The following TSPAN18 variants were observed in gnomAD, a reference collection of about 807,000 sequenced individuals.
TSPAN18 encodes the protein tetraspanin-18.
Under a neutral mutation model 27.3 loss-of-function variants are expected in TSPAN18, and 14 were observed. The ratio of observed to expected loss-of-function variants is 0.51; its 90% CI spans 0.34 to 0.80. The LOEUF (loss-of-function observed/expected upper bound fraction) is 0.80. TSPAN18 is among the 30% of genes least tolerant of loss of function. TSPAN18 has a pLI of 0.01. For missense variants in TSPAN18, 268 were observed against 323.9 expected, an observed-to-expected ratio of 0.83 and a Z score of 1.32; for synonymous variants, 143 against 136.5, an observed-to-expected ratio of 1.05 and a Z score of -0.33.
chr11:44,751,982 G>A (rs751845312), intron 1 of TSPAN18, among the ~76,000 whole-genome samples: 12 of 151,724 alleles, frequency 7.9e-5, no homozygotes, highest in Admixed American at 3.9e-4. Context: ...AATATTTTGC[G>A]TATGTTTCTT....
intron 3 of TSPAN18, among the ~76,000 whole-genome samples, chr11:44,885,455 C>G (rs1289457138): frequency 6.6e-6 from 1 of 152,268 alleles, no homozygotes; most frequent in East Asian, 1.9e-4. Context: ...TCCTTCCGGG[C>G]CTGGAGAGCC....
At chr11:44,869,978 G>A (rs1858148387) in intron 3 of TSPAN18, among the ~76,000 whole-genome samples, 1 of 138,332 alleles carries the variant, frequency 7.2e-6, no homozygotes, top group Non-Finnish European at 1.5e-5. Context: ...GTGACCTCAG[G>A]CCTCAGCCCG....
At chr11:44,792,980 GA>G (rs1432949579) in intron 2 of TSPAN18, among the ~76,000 whole-genome samples, 2 of 152,176 alleles carry the variant, frequency 1.3e-5, no homozygotes. Flanking sequence ...CCCAGAAACA[GA>G]CCCTGAGATG....
chr11:44,742,259 C>T (rs1854956707), intron 1 of TSPAN18, among the ~76,000 whole-genome samples: 2 of 151,144 alleles, frequency 1.3e-5, no homozygotes, highest in Admixed American at 1.3e-4. Flanking sequence ...CTCCCCTCCC[C>T]TTCCCTTCCC....
At chr11:44,767,387 C>A (rs1318302379) in intron 2 of TSPAN18, among the ~76,000 whole-genome samples, 1 of 152,240 alleles carries the variant, frequency 6.6e-6, no homozygotes, top group Non-Finnish European at 1.5e-5. Context: ...GACCCAAACA[C>A]AGGGTTCCTA....
At chr11:44,848,496 C>T (rs1197390691) in intron 2 of TSPAN18, among the ~76,000 whole-genome samples, 1 of 152,134 alleles carries the variant, frequency 6.6e-6, no homozygotes, top group Non-Finnish European at 1.5e-5. Flanking sequence ...GCAGCAGGGG[C>T]TCAGAAACCA....
intron 2 of TSPAN18, among the ~76,000 whole-genome samples, chr11:44,829,374 C>G (rs12795080): frequency 0.18 from 27,004 of 152,200 alleles, 3,189 homozygotes; most frequent in Non-Finnish European, 0.27. Flanking sequence ...CCCACAACCA[C>G]TAGTCTTTTT....
Position 44,861,616 on chromosome 11 carries a change from G to C in TSPAN18, c.-11+1147G>C, listed in dbSNP as rs560436318. On this transcript the variant is annotated intron_variant, in intron 3 of 9. Transcript: ENST00000520358. ...TTTAGAAAAAGGAGAAAGGAATGCT[G>C]GGCAGACAAAGCAGCAGATTCTCCC... Among the ~76,000 whole-genome samples the C allele has an allele frequency of 1.1e-4, 17 of 152,046 alleles. No homozygotes were observed. In the South Asian group the frequency reaches 3.5e-3, roughly 32 times the overall value.
chr11:44,879,001 C>A (rs1446243429), intron 3 of TSPAN18, among the ~76,000 whole-genome samples: 7 of 152,210 alleles, frequency 4.6e-5, no homozygotes, highest in Non-Finnish European at 7.3e-5. Flanking sequence ...CACAGCCACG[C>A]GACCTGCGTA....
intron 1 of TSPAN18, among the ~76,000 whole-genome samples, chr11:44,753,363 C>T (rs1590420671): frequency 1.3e-5 from 2 of 152,242 alleles, no homozygotes; most frequent in East Asian, 3.9e-4. Flanking sequence ...ATCTCCTGAC[C>T]TCACGATCCG....
At chr11:44,893,235 G>A (rs1858916424) in intron 3 of TSPAN18, among the ~76,000 whole-genome samples, 1 of 152,226 alleles carries the variant, frequency 6.6e-6, no homozygotes, top group Non-Finnish European at 1.5e-5. Flanking sequence ...CCCAGAGCCT[G>A]CAGATGCTCT....
At chr11:44,821,784 AAACT>A (rs1856934028) in intron 2 of TSPAN18, among the ~76,000 whole-genome samples, 1 of 152,242 alleles carries the variant, frequency 6.6e-6, no homozygotes, top group East Asian at 1.9e-4. Flanking sequence ...AAATTTACAG[AAACT>A]AACTAAATGA....
chr11:44,788,021 C>T (rs565093103), intron 2 of TSPAN18, among the ~76,000 whole-genome samples: 3 of 152,302 alleles, frequency 2.0e-5, no homozygotes, highest in Admixed American at 2.0e-4. Flanking sequence ...TATCATTATC[C>T]CCATTTTGCA....
At chr11:44,780,473 A>C (rs1590456116) in intron 2 of TSPAN18, among the ~76,000 whole-genome samples, 1 of 152,128 alleles carries the variant, frequency 6.6e-6, no homozygotes, top group Non-Finnish European at 1.5e-5. Flanking sequence ...TCATTCATTC[A>C]CCTACCATCC....
At chr11:44,787,997 C>G (rs1208421757) in intron 2 of TSPAN18, among the ~76,000 whole-genome samples, 1 of 152,236 alleles carries the variant, frequency 6.6e-6, no homozygotes, top group African/African-American at 2.4e-5. Context: ...CAGGCATTCT[C>G]TCTGTGGGAC....
intron 2 of TSPAN18, among the ~76,000 whole-genome samples, chr11:44,827,906 G>A (rs1157248832): frequency 6.6e-6 from 1 of 152,212 alleles, no homozygotes; most frequent in East Asian, 1.9e-4. Context: ...TCTGCAGGCT[G>A]GGACAGGCCT....
At chr11:44,823,095 G>A (rs1037692960) in intron 2 of TSPAN18, among the ~76,000 whole-genome samples, 1 of 152,156 alleles carries the variant, frequency 6.6e-6, no homozygotes, top group Non-Finnish European at 1.5e-5. Context: ...TACAACATTG[G>A]AAAGTGACAC....
At chr11:44,915,708 G>A (rs902710065) in intron 5 of TSPAN18, among the ~76,000 whole-genome samples, 2 of 152,192 alleles carry the variant, frequency 1.3e-5, no homozygotes, top group South Asian at 2.1e-4. Flanking sequence ...ACAGCCTGGC[G>A]CTCTGAAAAG....
chr11:44,812,656 C>CA (rs1856743012), intron 2 of TSPAN18, among the ~76,000 whole-genome samples: 1 of 152,154 alleles, frequency 6.6e-6, no homozygotes, highest in Non-Finnish European at 1.5e-5. Flanking sequence ...ATTGCCCATC[C>CA]ACTGACCCCA....
Sources: gnomAD v4.1 joint callset for allele counts (sites outside exome capture counted in the v4.1 genomes callset) on GRCh38, gnomAD v4.1.1 for gene constraint, MANE v1.5 for transcripts, NCBI Gene and HGNC (gene_info 2026-07-23, HGNC 2026-07-21) for gene names.